Variants in SLIT2 observed in about 807,000 individuals in gnomAD.
SLIT2 encodes the protein slit guidance ligand 2, also known as slit homolog 2 protein.
SLIT2 carries 41 observed loss-of-function variants against 185.7 expected under a neutral mutation model. The ratio of observed to expected loss-of-function variants is 0.22; its 90% confidence interval spans 0.17 to 0.29. The LOEUF (loss-of-function observed/expected upper bound fraction) is 0.29. Ranked by LOEUF, SLIT2 falls within the 10% of genes least tolerant of loss-of-function variation. The probability of loss-of-function intolerance (pLI) is 1.00; values close to 1 mark genes in which losing one functional copy is unlikely to be tolerated. For synonymous variants in SLIT2, 693 were observed against 680.2 expected (o/e 1.02, Z -0.29); for missense variants, 1,571 against 1,909.0 (o/e 0.82, Z 3.30).
intron 4 of SLIT2, among the ~76,000 whole-genome samples, chr4:20,273,962 G>A (rs1433387651): frequency 2.0e-5 from 3 of 152,156 alleles, no homozygotes; most frequent in African/African-American, 7.2e-5. Context: ...AGTTGCTACG[G>A]TTACTGTTGT....
intron 4 of SLIT2, among the ~76,000 whole-genome samples, chr4:20,378,399 A>G (rs1358487946): frequency 6.6e-6 from 1 of 152,160 alleles, no homozygotes. Context: ...TTACTAGTAA[A>G]TGACTATTTA....
chr4:20,409,211 C>T (rs1275030588), intron 4 of SLIT2, among the ~76,000 whole-genome samples: 2 of 152,150 alleles, frequency 1.3e-5, no homozygotes, highest in African/African-American at 2.4e-5. Flanking sequence ...TCCTGATGCT[C>T]TCCTTCCTCT....
chr4:20,562,034 G>T (rs1333453212), intron 26 of SLIT2, among the ~76,000 whole-genome samples: 1 of 151,708 alleles, frequency 6.6e-6, no homozygotes, highest in African/African-American at 2.4e-5. Flanking sequence ...TAGGTGTTGC[G>T]AATGGCCAAG....
chr4:20,518,102 CATATATATACATAT>C (rs1186969722), intron 11 of SLIT2, among the ~76,000 whole-genome samples: 4 of 130,710 alleles, frequency 3.1e-5, no homozygotes, highest in African/African-American at 1.1e-4. Context: ...TATACACACA[CATATATATACATAT>C]ACATATATAT....
intron 9 of SLIT2, among the ~76,000 whole-genome samples, chr4:20,509,713 A>T (rs1175996594): frequency 2.0e-5 from 3 of 152,214 alleles, no homozygotes; most frequent in Non-Finnish European, 4.4e-5. Context: ...ATGTACCAAA[A>T]GACTTCATGC....
intron 4 of SLIT2, among the ~76,000 whole-genome samples, chr4:20,292,085 G>T (rs1179507752): frequency 1.3e-5 from 2 of 152,154 alleles, no homozygotes. Context: ...AGGGAAAGCA[G>T]ATACACTAAT....
rs1486722409 is a variant in SLIT2 at position 20,254,646 on chromosome 4, C to T, written c.179+652C>T. ...GGGGAGGGGAAGACGGCGTCAGGCC[C>T]CTAGGGACTTGTCTCAGCGGGCGAC... On this transcript the variant is annotated intron_variant, in intron 1 of 36. Coordinates refer to ENST00000504154, the MANE Select transcript of SLIT2 (RefSeq NM_004787.4). This position sits in a 1 kb window ranked among gnomAD's most constrained non-coding sequence, Gnocchi z 5.1. 1.3e-5 allele frequency among the ~76,000 whole-genome samples: 2 copies of T among 152,112 alleles called. No individual in the cohort carries two copies. The highest frequency in any genetic ancestry group is 2.9e-5 in the Non-Finnish European group (2 of 68,022).
intron 4 of SLIT2, among the ~76,000 whole-genome samples, chr4:20,278,529 G>A (rs16869475): frequency 0.037 from 5,653 of 151,752 alleles, 268 homozygotes; most frequent in East Asian, 0.1. Flanking sequence ...TTTCTACCCA[G>A]CCTCTTGTCA....
At chr4:20,396,676 G>C (rs1049022470) in intron 4 of SLIT2, among the ~76,000 whole-genome samples, 1 of 151,372 alleles carries the variant, frequency 6.6e-6, no homozygotes, top group Non-Finnish European at 1.5e-5. Context: ...GATACTCATA[G>C]AATTAACTGT....
At chr4:20,440,747 G>A (rs1729681433) in intron 4 of SLIT2, among the ~76,000 whole-genome samples, 1 of 152,150 alleles carries the variant, frequency 6.6e-6, no homozygotes, top group South Asian at 2.1e-4. Flanking sequence ...TATTTGATAT[G>A]TATTGGATTT....
At chr4:20,566,778 A>G (rs181791558) in intron 26 of SLIT2, among the ~76,000 whole-genome samples, 67 of 152,146 alleles carry the variant, frequency 4.4e-4, no homozygotes, top group African/African-American at 1.5e-3. Context: ...TACTGAGTCA[A>G]TGTTACCTGG....
chr4:20,291,116 C>T (rs1045842833), intron 4 of SLIT2, among the ~76,000 whole-genome samples: 3 of 151,952 alleles, frequency 2.0e-5, no homozygotes, highest in Non-Finnish European at 4.4e-5. Context: ...TATGTTTGCC[C>T]ATTGCCCAGC....
rs1329086715 is a variant in SLIT2, at chr4:20,604,418, C to T, written c.3693-5595C>T. ...AGGCTGGAGTGCAGTGGCGCGATCT[C>T]GGCTCACTGCAAGCTCTGCCACCCG... On this transcript the variant is annotated intron_variant, in intron 33 of 36. Coordinates refer to ENST00000504154, the MANE Select transcript of SLIT2 (RefSeq NM_004787.4). 4.6e-5 allele frequency among the ~76,000 whole-genome samples: 7 copies of T among 152,060 alleles called. No individual in the cohort carries two copies. In the East Asian group the frequency reaches 5.8e-4, roughly 13 times the overall value.
chr4:20,479,661 A>G (rs556044965), intron 5 of SLIT2, among the ~76,000 whole-genome samples: 1 of 152,192 alleles, frequency 6.6e-6, no homozygotes, highest in East Asian at 1.9e-4. Flanking sequence ...CAGATACAAT[A>G]TAGTACTTCA....
intron 4 of SLIT2, among the ~76,000 whole-genome samples, chr4:20,425,004 T>C (rs1342912658): frequency 6.6e-6 from 1 of 152,160 alleles, no homozygotes; most frequent in Non-Finnish European, 1.5e-5. Context: ...ATTTGTCTCA[T>C]GAAAACCCTT....
At chr4:20,371,608 T>A (rs1408090140) in intron 4 of SLIT2, among the ~76,000 whole-genome samples, 1 of 152,034 alleles carries the variant, frequency 6.6e-6, no homozygotes, top group Non-Finnish European at 1.5e-5. Context: ...GTGCCTAAGT[T>A]CCCATTGCAG....
intron 20 of SLIT2, 51 bp downstream of exon 20, chr4:20,541,670 C>T (rs1225817999): frequency 6.9e-7 from 1 of 1,442,412 alleles, no homozygotes; most frequent in African/African-American, 1.4e-5. Flanking sequence ...CATGCCTGTT[C>T]TGATGCAGCT....
chr4:20,523,649 T>A, intron 12 of SLIT2, 111 bp from the exon 13 acceptor site: 1 of 800,208 alleles, frequency 1.2e-6, no homozygotes, highest in East Asian at 2.6e-5. Flanking sequence ...ATGTTAGTGT[T>A]GAGGTGAAAA....
In SLIT2 at chr4:20,425,237, A is replaced by G. The variant is rs1728460569; in HGVS notation, c.396-42515A>G. On this transcript the variant is annotated intron_variant, in intron 4 of 36. Transcript: ENST00000504154. Reference sequence around the variant, plus strand: ...AGTTTTAATTTTTTCACAAAGTTTTATGCTTTGTCCTATTTTGTTGTATTT... The same window carrying G: ...AGTTTTAATTTTTTCACAAAGTTTTGTGCTTTGTCCTATTTTGTTGTATTT... Among the ~76,000 whole-genome samples, 2 of 152,090 alleles carry G rather than the reference A, an allele frequency of 1.3e-5. 1 individual carries two copies. The highest frequency in any genetic ancestry group is 4.1e-4 in the South Asian group (2 of 4,828).
Sources: allele counts gnomAD v4.1 joint callset (sites outside exome capture counted in the v4.1 genomes callset), GRCh38; gene constraint gnomAD v4.1.1; non-coding constraint Gnocchi (gnomAD v3.1); transcripts MANE v1.5; gene names NCBI Gene and HGNC (gene_info 2026-07-23, HGNC 2026-07-21).